The following PKP4 variants were observed in gnomAD, a reference collection of about 807,000 sequenced individuals.
PKP4 encodes the protein plakophilin-4.
A neutral mutation model predicts 145.1 loss-of-function variants in PKP4; 90 were observed. That is an observed-to-expected ratio of 0.62 (90% CI 0.52 to 0.74). The LOEUF (loss-of-function observed/expected upper bound fraction) is 0.74, where lower values mean the gene tolerates loss of function less well. PKP4 is among the 30% of genes least tolerant of loss of function. PKP4 has a pLI of 0.00. For synonymous variants in PKP4, 563 were observed against 577.2 expected, an observed-to-expected ratio of 0.98 and a Z score of 0.35; for missense variants, 1,340 against 1,482.7, an observed-to-expected ratio of 0.90 and a Z score of 1.58.
chr2:158,624,777 G>A (rs76447612), intron 6 of PKP4, 101 bp from the exon 7 acceptor site: 1 of 832,232 alleles, frequency 1.2e-6, no homozygotes, highest in African/African-American at 1.7e-5. Flanking sequence ...CTAAAATAGT[G>A]GATTCACATT....
At chr2:158,471,124 A>G (rs1290795579) in intron 1 of PKP4, among the ~76,000 whole-genome samples, 1 of 152,192 alleles carries the variant, frequency 6.6e-6, no homozygotes, top group East Asian at 1.9e-4. Context: ...TTGGAGGTGA[A>G]GGAGAGAGAA....
intron 4 of PKP4, among the ~76,000 whole-genome samples, chr2:158,612,569 T>C (rs1290256515): frequency 6.6e-6 from 1 of 152,164 alleles, no homozygotes; most frequent in Non-Finnish European, 1.5e-5. Flanking sequence ...ACCAGAAAGC[T>C]TAACAATTTA....
chr2:158,465,359 A>G (rs986849821), intron 1 of PKP4, among the ~76,000 whole-genome samples: 1 of 152,222 alleles, frequency 6.6e-6, no homozygotes, highest in Admixed American at 6.5e-5. Flanking sequence ...AAAGATAAAT[A>G]GTGATTTCAA....
At chr2:158,608,323 T>C (rs1349500840) in intron 4 of PKP4, among the ~76,000 whole-genome samples, 1 of 152,210 alleles carries the variant, frequency 6.6e-6, no homozygotes, top group East Asian at 1.9e-4. Context: ...AGCTGCTAAA[T>C]ATAAAAATAT....
intron 3 of PKP4, among the ~76,000 whole-genome samples, chr2:158,579,884 G>A (rs1574595559): frequency 6.6e-6 from 1 of 151,866 alleles, no homozygotes; most frequent in Non-Finnish European, 1.5e-5. Context: ...TATATATATA[G>A]CAATACTGCA....
chr2:158,544,226 G>A (rs1486640694), intron 2 of PKP4, among the ~76,000 whole-genome samples: 1 of 152,160 alleles, frequency 6.6e-6, no homozygotes, highest in African/African-American at 2.4e-5. Flanking sequence ...CTGCCTGTTA[G>A]ACAGTGGGGA....
chr2:158,471,614 C>G (rs1390357116), intron 1 of PKP4, among the ~76,000 whole-genome samples: 1 of 152,224 alleles, frequency 6.6e-6, no homozygotes, highest in Non-Finnish European at 1.5e-5. Context: ...AGATTCATCT[C>G]TTCTAGTTGA....
At chr2:158,556,471 T>A (rs2046097376) in intron 2 of PKP4, among the ~76,000 whole-genome samples, 1 of 151,686 alleles carries the variant, frequency 6.6e-6, no homozygotes, top group Non-Finnish European at 1.5e-5. Flanking sequence ...TCATAGAAAA[T>A]CCAGAATGGA....
At chr2:158,678,457 A>G (rs2058205210) in intron 20 of PKP4, 124 bp from the exon 21 acceptor site, 7 of 720,416 alleles carry the variant, frequency 9.7e-6, no homozygotes, top group East Asian at 8.0e-5. Context: ...CCCAGCCCGC[A>G]TTGGCACTGG....
At chr2:158,555,889 C>G (rs750324873) in intron 2 of PKP4, among the ~76,000 whole-genome samples, 1 of 152,178 alleles carries the variant, frequency 6.6e-6, no homozygotes, top group Non-Finnish European at 1.5e-5. Context: ...CAAGTATAAT[C>G]TACTCTGAGA....
intron 7 of PKP4, among the ~76,000 whole-genome samples, chr2:158,626,862 T>G (rs1211783744): frequency 2.0e-5 from 3 of 152,224 alleles, no homozygotes; most frequent in Admixed American, 2.0e-4. Flanking sequence ...TTTTTTTTAC[T>G]AGAGATAAGC....
chr2:158,533,914 G>A (rs2043807275), intron 2 of PKP4, among the ~76,000 whole-genome samples: 1 of 152,002 alleles, frequency 6.6e-6, no homozygotes, highest in African/African-American at 2.4e-5. Flanking sequence ...GGTCTTATCA[G>A]TTGTGCTTAG....
chr2:158,599,724 C>G (rs942041669), intron 3 of PKP4, among the ~76,000 whole-genome samples: 3 of 152,078 alleles, frequency 2.0e-5, no homozygotes, highest in Admixed American at 2.0e-4. Context: ...CATGGAGTCT[C>G]TAGGAAGGCC....
chr2:158,506,754 T>A (rs2041015771), intron 1 of PKP4, among the ~76,000 whole-genome samples: 1 of 152,242 alleles, frequency 6.6e-6, no homozygotes, highest in African/African-American at 2.4e-5. Context: ...TAATTTGGAA[T>A]ATTCTAAAAT....
intron 3 of PKP4, among the ~76,000 whole-genome samples, chr2:158,600,017 A>C (rs1317453952): frequency 6.6e-6 from 1 of 152,178 alleles, no homozygotes; most frequent in Non-Finnish European, 1.5e-5. Flanking sequence ...AATTAATTTC[A>C]GGAGTATGTA....
chr2:158,485,651 G>C (rs1253686593), intron 1 of PKP4, among the ~76,000 whole-genome samples: 3 of 152,120 alleles, frequency 2.0e-5, no homozygotes, highest in Non-Finnish European at 4.4e-5. Flanking sequence ...TGAGAATAGG[G>C]TCTCTTTTAT....
At chr2:158,478,045 C>T (rs970401060) in intron 1 of PKP4, among the ~76,000 whole-genome samples, 1 of 152,076 alleles carries the variant, frequency 6.6e-6, no homozygotes, top group Non-Finnish European at 1.5e-5. Context: ...AAAATGTTTT[C>T]AGTGTCCTAA....
intron 1 of PKP4, among the ~76,000 whole-genome samples, chr2:158,471,305 G>A (rs914288041): frequency 2.6e-5 from 4 of 152,220 alleles, no homozygotes; most frequent in African/African-American, 9.6e-5. Flanking sequence ...TGTTTCATCA[G>A]TGTAGATGCT....
chr2:158,650,737 GCAC>G (rs1413665408), intron 11 of PKP4, among the ~76,000 whole-genome samples: 1 of 152,198 alleles, frequency 6.6e-6, no homozygotes, highest in Non-Finnish European at 1.5e-5. Flanking sequence ...GGTGTTCCGA[GCAC>G]AGCTGGACCT....
Sources: allele counts gnomAD v4.1 joint callset (sites outside exome capture counted in the v4.1 genomes callset), GRCh38; gene constraint gnomAD v4.1.1; transcripts MANE v1.5; gene names NCBI Gene and HGNC (gene_info 2026-07-23, HGNC 2026-07-21).